Variants in PPFIA2 observed in about 807,000 individuals in gnomAD.
PPFIA2 encodes the protein PPFI scaffold protein A2, also known as liprin-alpha-2.
PPFIA2 carries 46 observed loss-of-function variants against 175.5 expected under a neutral mutation model. The observed-to-expected ratio is 0.26, with a 90% CI of 0.21 to 0.34. PPFIA2 has a LOEUF of 0.34. Among genes scored for constraint, PPFIA2 ranks in the 10% least tolerant of loss-of-function variants. The pLI, the probability that PPFIA2 is intolerant of heterozygous loss-of-function variation, is 1.00. For synonymous variants in PPFIA2, 568 were observed against 511.4 expected (o/e 1.11, Z -1.49); for missense variants, 1,179 against 1,506.1 (o/e 0.78, Z 3.60).
At chr12:81,696,155 C>A (rs917406710) in intron 3 of PPFIA2, among the ~76,000 whole-genome samples, 2 of 152,056 alleles carry the variant, frequency 1.3e-5, no homozygotes, top group Non-Finnish European at 2.9e-5. Context: ...ATAAAACTTA[C>A]GTAACAATAG....
intron 7 of PPFIA2, among the ~76,000 whole-genome samples, chr12:81,414,023 A>G (rs2044486628): frequency 2.0e-5 from 3 of 151,878 alleles, no homozygotes; most frequent in Admixed American, 2.0e-4. Flanking sequence ...ACCTCATTTA[A>G]TCTTTCCAGT....
Position 81,642,672 on chromosome 12 carries a change from C to A in PPFIA2, c.303+34119G>T, listed in dbSNP as rs1348614529. Reference sequence around the variant, plus strand: ...CATGTATGTATCTATTATATACATACATGTATGTATCTATTATATACATAC... The same window carrying A: ...CATGTATGTATCTATTATATACATAAATGTATGTATCTATTATATACATAC... On this transcript the variant is annotated intron_variant, in intron 4 of 32. Transcript: ENST00000549396. Among the ~76,000 whole-genome samples the A allele has an allele frequency of 3.1e-5, 2 of 64,850 alleles. 1 individual carries two copies. The highest frequency in any genetic ancestry group is 3.6e-4 in the Admixed American group (2 of 5,582). The allele number at this position is 64,850 out of a possible 152,430, so 42.5% of individuals were successfully genotyped here.
chr12:81,452,983 T>TTTTC (rs1460634311), intron 5 of PPFIA2, among the ~76,000 whole-genome samples: 1 of 148,704 alleles, frequency 6.7e-6, no homozygotes, highest in South Asian at 2.1e-4. Context: ...ACCATAACGT[T>TTTTC]TTTCTTTTTT....
chr12:81,296,180 G>A (rs1422994490), intron 23 of PPFIA2, among the ~76,000 whole-genome samples: 5 of 151,648 alleles, frequency 3.3e-5, no homozygotes, highest in Admixed American at 6.6e-5. Context: ...TCAGCCAGGC[G>A]TGGTGGCAGA....
intron 4 of PPFIA2, among the ~76,000 whole-genome samples, chr12:81,565,601 G>GA (rs1200854398): frequency 1.3e-5 from 2 of 152,096 alleles, no homozygotes; most frequent in African/African-American, 2.4e-5. Flanking sequence ...AATAGCCTGA[G>GA]AAAAATATTT....
At chr12:81,637,708 C>T (rs961337824) in intron 4 of PPFIA2, among the ~76,000 whole-genome samples, 1 of 152,052 alleles carries the variant, frequency 6.6e-6, no homozygotes, top group Non-Finnish European at 1.5e-5. Flanking sequence ...AGATGATTAG[C>T]CATGGCAACT....
At chr12:81,742,657 A>T (rs906845195) in intron 3 of PPFIA2, among the ~76,000 whole-genome samples, 1 of 152,222 alleles carries the variant, frequency 6.6e-6, no homozygotes, top group Admixed American at 6.5e-5. Flanking sequence ...ATCAACATTT[A>T]GATGATATTT....
chr12:81,621,104 G>A (rs1282227969), intron 4 of PPFIA2, among the ~76,000 whole-genome samples: 3 of 152,128 alleles, frequency 2.0e-5, no homozygotes, highest in Non-Finnish European at 1.5e-5. Flanking sequence ...GAGTAGGGGA[G>A]TTGAAAAAAT....
At chr12:81,601,036 A>G (rs2059737923) in intron 4 of PPFIA2, among the ~76,000 whole-genome samples, 1 of 151,962 alleles carries the variant, frequency 6.6e-6, no homozygotes, top group South Asian at 2.1e-4. Context: ...TGCATCAGCC[A>G]GAAAACTATT....
intron 4 of PPFIA2, among the ~76,000 whole-genome samples, chr12:81,541,855 T>C (rs570952140): frequency 1.3e-5 from 2 of 152,212 alleles, no homozygotes; most frequent in South Asian, 2.1e-4. Context: ...AAATGGTGAC[T>C]GATGCTGGGA....
intron 14 of PPFIA2, among the ~76,000 whole-genome samples, chr12:81,364,137 A>T (rs1314352962): frequency 1.3e-5 from 2 of 151,876 alleles, no homozygotes; most frequent in Non-Finnish European, 2.9e-5. Flanking sequence ...GACTCTTAGG[A>T]AAAGGCATGG....
At chr12:81,519,058 T>C (rs2062801521) in intron 4 of PPFIA2, among the ~76,000 whole-genome samples, 1 of 152,180 alleles carries the variant, frequency 6.6e-6, no homozygotes, top group African/African-American at 2.4e-5. Flanking sequence ...TTCTATTCTT[T>C]TTGTCATATA....
At chr12:81,683,687 A>G (rs1017691215) in intron 3 of PPFIA2, among the ~76,000 whole-genome samples, 33 of 152,126 alleles carry the variant, frequency 2.2e-4, no homozygotes, top group Middle Eastern at 3.4e-3. Flanking sequence ...GCCTTTGCCC[A>G]TGCTTTTCCT....
At chr12:81,312,512 G>A in intron 22 of PPFIA2, 1 of 285,694 alleles carries the variant, frequency 3.5e-6, no homozygotes, top group Non-Finnish European at 6.5e-6. Flanking sequence ...TTTACCTCAG[G>A]CCACTTCCAT....
chr12:81,454,915 C>T (rs1009667170), intron 5 of PPFIA2, among the ~76,000 whole-genome samples: 10 of 152,124 alleles, frequency 6.6e-5, no homozygotes, highest in African/African-American at 2.2e-4. Flanking sequence ...GTGACACGAT[C>T]TCTGCTCACT....
At chr12:81,395,939 A>T (rs768456940) in intron 8 of PPFIA2, among the ~76,000 whole-genome samples, 7 of 152,014 alleles carry the variant, frequency 4.6e-5, no homozygotes, top group African/African-American at 9.7e-5. Flanking sequence ...AGTCTAATAC[A>T]TTGTAAATGG....
At chr12:81,683,809 G>A (rs2074044574) in intron 3 of PPFIA2, among the ~76,000 whole-genome samples, 1 of 152,040 alleles carries the variant, frequency 6.6e-6, no homozygotes. Context: ...TTTATTTGGT[G>A]CAGAATTCTG....
At chr12:81,353,384 AT>A (rs758109068) in intron 16 of PPFIA2, 45 bp from the exon 17 acceptor site, 41 of 1,385,818 alleles carry the variant, frequency 3.0e-5, no homozygotes, top group Non-Finnish European at 4.0e-5. Context: ...CATATTGCTC[AT>A]TTTCAAAGCA....
chr12:81,541,560 C>T (rs530374644), intron 4 of PPFIA2, among the ~76,000 whole-genome samples: 31 of 152,034 alleles, frequency 2.0e-4, no homozygotes, highest in East Asian at 1.7e-3. Flanking sequence ...TTGGAAAATG[C>T]GTTCTCTTCT....
Sources: allele counts gnomAD v4.1 joint callset (sites outside exome capture counted in the v4.1 genomes callset), GRCh38; gene constraint gnomAD v4.1.1; transcripts MANE v1.5; gene names NCBI Gene and HGNC (gene_info 2026-07-23, HGNC 2026-07-21).